The following GRID1 variants were observed in gnomAD, a reference collection of about 807,000 sequenced individuals.
GRID1 encodes glutamate ionotropic receptor delta type subunit 1.
Under a neutral mutation model 98.0 loss-of-function variants are expected in GRID1, and 28 were observed. The observed-to-expected ratio is 0.29, with a 90% CI of 0.21 to 0.39. The LOEUF is 0.39. Ranked by LOEUF, GRID1 falls within the 10% of genes least tolerant of loss-of-function variation. The pLI is 1.00. For synonymous variants in GRID1, 553 were observed against 538.5 expected, an observed-to-expected ratio of 1.03 and a Z score of -0.37; for missense variants, 1,111 against 1,340.5, an observed-to-expected ratio of 0.83 and a Z score of 2.67.
intron 2 of GRID1, among the ~76,000 whole-genome samples, chr10:86,252,392 C>T (rs1846850471): frequency 6.6e-6 from 1 of 152,236 alleles, no homozygotes; most frequent in Non-Finnish European, 1.5e-5. Context: ...CTGCTCTGTG[C>T]TTCCTCCACT....
chr10:86,111,212 G>T (rs1458369128), intron 4 of GRID1, among the ~76,000 whole-genome samples: 1 of 152,012 alleles, frequency 6.6e-6, no homozygotes, highest in African/African-American at 2.4e-5. Flanking sequence ...TTTTACCCAG[G>T]CTCAGAACTG....
Position 86,272,816 on chromosome 10 carries a change from C to G in GRID1, c.236-66168G>C, listed in dbSNP as rs1847205246. On this transcript the variant is annotated intron_variant, in intron 2 of 15. Transcript: ENST00000327946. ...GAGGAATTTAGAAAGCTACATTAGG[C>G]ATAGGGCAAGATGCATGCTAAGAAA... 2.6e-5 allele frequency among the ~76,000 whole-genome samples: 4 copies of G among 152,276 alleles called. No homozygotes were observed. In the South Asian group the frequency reaches 8.3e-4, roughly 32 times the overall value.
At chr10:85,835,521 T>C (rs1842904988) in intron 8 of GRID1, among the ~76,000 whole-genome samples, 1 of 152,228 alleles carries the variant, frequency 6.6e-6, no homozygotes, top group African/African-American at 2.4e-5. Flanking sequence ...AGGTAAGACG[T>C]GATATTGCTC....
intron 4 of GRID1, among the ~76,000 whole-genome samples, chr10:86,105,978 A>C (rs1844379792): frequency 6.6e-6 from 1 of 152,034 alleles, no homozygotes; most frequent in African/African-American, 2.4e-5. Context: ...CTTGTGAGAG[A>C]AGATGTTGGA....
chr10:85,676,786 C>T (rs1027171539), intron 12 of GRID1, among the ~76,000 whole-genome samples: 1 of 152,178 alleles, frequency 6.6e-6, no homozygotes, highest in Non-Finnish European at 1.5e-5. Context: ...GTTATTTGCA[C>T]GTCAACATTT....
chr10:85,702,578 C>A (rs1841464505), intron 12 of GRID1, among the ~76,000 whole-genome samples: 1 of 152,084 alleles, frequency 6.6e-6, no homozygotes, highest in Non-Finnish European at 1.5e-5. Flanking sequence ...AAAGACCTCA[C>A]TGAATCCTGA....
At chr10:86,004,145 C>T (rs542048218) in intron 4 of GRID1, among the ~76,000 whole-genome samples, 9 of 152,326 alleles carry the variant, frequency 5.9e-5, no homozygotes, top group Admixed American at 2.0e-4. Flanking sequence ...GCCTAAGTTC[C>T]GTACTAGGCA....
chr10:85,739,562 G>A (rs375987389), intron 8 of GRID1, among the ~76,000 whole-genome samples: 1 of 152,098 alleles, frequency 6.6e-6, no homozygotes, highest in South Asian at 2.1e-4. Flanking sequence ...TCAAGCCTGG[G>A]TGACAGAGTA....
chr10:85,810,596 G>A (rs990718382), intron 8 of GRID1, among the ~76,000 whole-genome samples: 3 of 152,150 alleles, frequency 2.0e-5, no homozygotes, highest in African/African-American at 4.8e-5. Context: ...GGCAGACCTG[G>A]CCTTAAGCTG....
chr10:86,183,591 T>C (rs896701552), intron 3 of GRID1, among the ~76,000 whole-genome samples: 2 of 152,202 alleles, frequency 1.3e-5, no homozygotes, highest in Non-Finnish European at 2.9e-5. Context: ...ACTCCTGACC[T>C]CAAGTGATCC....
At chr10:86,272,040 T>C (rs1239830393) in intron 2 of GRID1, among the ~76,000 whole-genome samples, 2 of 152,072 alleles carry the variant, frequency 1.3e-5, no homozygotes, top group Non-Finnish European at 2.9e-5. Context: ...CAGAGAAATA[T>C]ATTATGTTCA....
intron 4 of GRID1, among the ~76,000 whole-genome samples, chr10:85,959,110 C>T (rs1262570354): frequency 1.3e-5 from 2 of 152,182 alleles, no homozygotes; most frequent in African/African-American, 2.4e-5. Context: ...GAACTGACAC[C>T]GCTGGCTCTC....
chr10:86,026,421 T>C lies in GRID1; in HGVS notation c.727-110182A>G, dbSNP rs148231929. Among the ~76,000 whole-genome samples the C allele has an allele frequency of 1.4e-3, 207 of 152,304 alleles. 2 individuals are homozygous for C. In the East Asian group the frequency reaches 0.021, roughly 15 times the overall value. On this transcript the variant is annotated intron_variant, in intron 4 of 15. Transcript: ENST00000327946. ...GAACATATAAATGATTTTCAACTGCTTGATGAGCTGTGGCTGTCAAGTTTC... is the reference window on the plus strand; with the variant it reads ...GAACATATAAATGATTTTCAACTGCCTGATGAGCTGTGGCTGTCAAGTTTC...
chr10:86,225,299 C>T (rs1197252450), intron 2 of GRID1, among the ~76,000 whole-genome samples: 1 of 152,188 alleles, frequency 6.6e-6, no homozygotes, highest in East Asian at 1.9e-4. Context: ...AGCCATGACA[C>T]CAGCAAAGGA....
At chr10:86,153,376 C>A (rs2131981499) in intron 3 of GRID1, among the ~76,000 whole-genome samples, 1 of 152,210 alleles carries the variant, frequency 6.6e-6, no homozygotes, top group Non-Finnish European at 1.5e-5. Context: ...TTAAACATAG[C>A]CAGTATGGAT....
intron 8 of GRID1, among the ~76,000 whole-genome samples, chr10:85,836,769 G>C (rs1397090655): frequency 6.6e-6 from 1 of 152,024 alleles, no homozygotes; most frequent in Admixed American, 6.6e-5. Context: ...ACATCAAACA[G>C]GACTGGTCCA....
chr10:86,184,139 T>C (rs1845695098), intron 3 of GRID1, among the ~76,000 whole-genome samples: 1 of 152,244 alleles, frequency 6.6e-6, no homozygotes, highest in African/African-American at 2.4e-5. Context: ...TAAGAGTTTT[T>C]ATACTCTATA....
At chr10:85,973,008 A>T (rs1842427082) in intron 4 of GRID1, among the ~76,000 whole-genome samples, 1 of 152,100 alleles carries the variant, frequency 6.6e-6, no homozygotes, top group Middle Eastern at 3.2e-3. Context: ...TCATTTTGCT[A>T]TGTTTGTTTT....
chr10:86,116,946 A>G (rs1420483557), intron 4 of GRID1, among the ~76,000 whole-genome samples: 1 of 152,082 alleles, frequency 6.6e-6, no homozygotes, highest in Non-Finnish European at 1.5e-5. Flanking sequence ...CCTGTATACC[A>G]CCACCATCAC....
Sources: gnomAD v4.1 joint callset for allele counts (sites outside exome capture counted in the v4.1 genomes callset) on GRCh38, gnomAD v4.1.1 for gene constraint, MANE v1.5 for transcripts, NCBI Gene and HGNC (gene_info 2026-07-23, HGNC 2026-07-21) for gene names.